The following KIAA0586 variants were observed in gnomAD, a reference collection of about 807,000 sequenced individuals.
The protein encoded by KIAA0586 is protein TALPID3.
Under a neutral mutation model 169.8 loss-of-function variants are expected in KIAA0586, and 144 were observed. The ratio of observed to expected loss-of-function variants is 0.85; its 90% CI spans 0.74 to 0.97. The LOEUF (loss-of-function observed/expected upper bound fraction) is 0.97, where lower values mean the gene tolerates loss of function less well. Ranked by LOEUF, KIAA0586 falls within the 50% of genes least tolerant of loss-of-function variation. The probability of loss-of-function intolerance (pLI) is 0.00; values close to 1 mark genes in which losing one functional copy is unlikely to be tolerated. For synonymous variants in KIAA0586, 625 were observed against 612.4 expected (o/e 1.02, Z -0.30); for missense variants, 1,854 against 1,823.0 (o/e 1.02, Z -0.31).
chr14:58,532,206 A>T (rs949369584), intron 29 of KIAA0586, among the ~76,000 whole-genome samples: 1 of 152,184 alleles, frequency 6.6e-6, no homozygotes, highest in Non-Finnish European at 1.5e-5. Context: ...GGAAAAAAAA[A>T]GTATGCCTGA....
intron 8 of KIAA0586, among the ~76,000 whole-genome samples, chr14:58,451,424 A>G (rs1199557178): frequency 1.3e-5 from 2 of 151,570 alleles, no homozygotes; most frequent in East Asian, 3.9e-4. Flanking sequence ...ATGGGGTTTC[A>G]CTATGTTTCC....
At chr14:58,506,327 C>T (rs1439696434) in intron 27 of KIAA0586, among the ~76,000 whole-genome samples, 1 of 152,038 alleles carries the variant, frequency 6.6e-6, no homozygotes, top group Non-Finnish European at 1.5e-5. Flanking sequence ...AAATGAGAAT[C>T]AGGTAATAAT....
chr14:58,427,874 A>G lies in KIAA0586; in HGVS notation c.-391A>G. ...GCTTCTTATGTGGGTCATTATTTTA[A>G]AAATAGCATTTCGCTTTTATTTGCT... On this transcript the variant is annotated 5_prime_UTR_variant, in exon 1 of 31. Coordinates refer to ENST00000652326, the MANE Select transcript of KIAA0586 (RefSeq NM_001329943.3). 4 of 1,376,804 alleles carry G rather than the reference A, an allele frequency of 2.9e-6. No homozygotes were observed. The highest frequency in any genetic ancestry group is 3.8e-6 in the Non-Finnish European group (4 of 1,050,430). 85.3% of individuals were successfully genotyped at this position (1,376,804 alleles called of 1,614,324 possible). A position where few individuals can be genotyped will look rare whatever the true frequency, so the allele number is the denominator to read the frequency against.
At chr14:58,431,594 T>C (rs2037380692) in intron 3 of KIAA0586, among the ~76,000 whole-genome samples, 1 of 152,238 alleles carries the variant, frequency 6.6e-6, no homozygotes, top group South Asian at 2.1e-4. Context: ...TAGTTTTTTC[T>C]AATTCTGTGA....
chr14:58,458,845 T>A (rs2040086692), intron 12 of KIAA0586, among the ~76,000 whole-genome samples: 1 of 152,166 alleles, frequency 6.6e-6, no homozygotes, highest in Non-Finnish European at 1.5e-5. Context: ...TGCAAAGATA[T>A]TTGAAGACAG....
At chr14:58,536,855 A>G (rs893995923) in intron 29 of KIAA0586, among the ~76,000 whole-genome samples, 42 of 152,278 alleles carry the variant, frequency 2.8e-4, no homozygotes, top group African/African-American at 9.6e-4. Context: ...AATATAAATT[A>G]TATTTATAGT....
chr14:58,522,132 TC>T (rs1047885591), intron 29 of KIAA0586: 22 of 573,256 alleles, frequency 3.8e-5, no homozygotes, highest in African/African-American at 3.5e-4. Flanking sequence ...CTTCCCATGT[TC>T]ATTAATTCAT....
chr14:58,507,769 C>CATTT (rs34225443), intron 27 of KIAA0586, among the ~76,000 whole-genome samples: 236 of 149,648 alleles, frequency 1.6e-3, no homozygotes, highest in African/African-American at 5.4e-3. Flanking sequence ...ACTGAGGTGC[C>CATTT]ATTTATTTAT....
At chr14:58,448,034 T>A (rs530530834) in intron 6 of KIAA0586, among the ~76,000 whole-genome samples, 1 of 152,274 alleles carries the variant, frequency 6.6e-6, no homozygotes, top group East Asian at 1.9e-4. Flanking sequence ...GGTCTTCTCT[T>A]AGCCGGCTGC....
At chr14:58,521,899 G>C (rs576275046) in intron 29 of KIAA0586, 3 of 1,331,982 alleles carry the variant, frequency 2.3e-6, no homozygotes, top group African/African-American at 1.4e-5. Flanking sequence ...GAAGATGGGG[G>C]ATGACCAGCT....
intron 29 of KIAA0586, among the ~76,000 whole-genome samples, chr14:58,538,089 G>A (rs554454246): frequency 1.6e-4 from 25 of 152,270 alleles, no homozygotes; most frequent in African/African-American, 6.0e-4. Context: ...CCAGAAGGTC[G>A]AGGCTGCAGT....
Position 58,429,429 on chromosome 14 carries a change from A to G in KIAA0586, c.266A>G (p.Glu89Gly). 1 of 1,568,208 alleles carries G rather than the reference A, an allele frequency of 6.4e-7. No individual in the cohort carries two copies. Among genetic ancestry groups the G allele is most frequent in the Non-Finnish European group, 8.8e-7 (1 of 1,138,548 alleles). ...QPLLENPMVS[E>G]SDFSKDVAVQ... ...CTATTAGAAAATCCCATGGTGTCAG[A>G]AAGTGTAAGCAAAAGGATTCTTAAT... The change falls in exon 2 of 31, where the codon GAA (glutamate) becomes GGA (glycine). Residue 89 changes from glutamate to glycine, a missense_variant. Transcript: ENST00000652326.
chr14:58,497,029 C>A (rs1002144129), intron 26 of KIAA0586, among the ~76,000 whole-genome samples: 7 of 149,144 alleles, frequency 4.7e-5, no homozygotes, highest in Non-Finnish European at 8.9e-5. Context: ...GGCAGGAATG[C>A]AGTGGCGGGA....
intron 29 of KIAA0586, among the ~76,000 whole-genome samples, chr14:58,526,428 T>C (rs545354001): frequency 2.6e-5 from 4 of 152,038 alleles, no homozygotes; most frequent in African/African-American, 9.7e-5. Flanking sequence ...GGGTCTAGAG[T>C]GGACCTCTAG....
chr14:58,512,347 T>C (rs539793095), intron 28 of KIAA0586, among the ~76,000 whole-genome samples, 175 bp from the exon 29 acceptor site: 2 of 152,080 alleles, frequency 1.3e-5, no homozygotes, highest in Admixed American at 1.3e-4. Flanking sequence ...TCTTTTGTAA[T>C]AGGTACCTCA....
At chr14:58,504,503 T>C (rs2043798399) in intron 27 of KIAA0586, among the ~76,000 whole-genome samples, 2 of 152,178 alleles carry the variant, frequency 1.3e-5, no homozygotes, top group Non-Finnish European at 2.9e-5. Context: ...AAAAATCCAT[T>C]AGATATGCCG....
the KIAA0586 span, among the ~76,000 whole-genome samples, chr14:58,557,901 C>CTTTTTTTTTTTTTTTTTTTTTTTTTTTTT: frequency 5.9e-4 from 25 of 42,508 alleles, 6 homozygotes; most frequent in Admixed American, 8.1e-4. Flanking sequence ...CCTGAGAAAT[C>CTTTTTTTTTTTTTTTTTTTTTTTTTTTTT]TTTTTTTTTT....
chr14:58,465,754 A>C, intron 14 of KIAA0586, 81 bp from the exon 15 acceptor site: 1 of 837,710 alleles, frequency 1.2e-6, no homozygotes, highest in Non-Finnish European at 1.8e-6. Context: ...TTTTCTGTGA[A>C]GAGCTGTTGT....
At chr14:58,555,524 C>A (rs17094691), downstream of KIAA0586, among the ~76,000 whole-genome samples, 33,427 of 152,028 alleles carry the variant, frequency 0.22, 3,857 homozygotes, top group East Asian at 0.36. Context: ...TCTGAAAGGG[C>A]TTTGAGGAGT....
Sources: allele counts gnomAD v4.1 joint callset (sites outside exome capture counted in the v4.1 genomes callset), GRCh38; gene constraint gnomAD v4.1.1; transcripts MANE v1.5; gene names NCBI Gene and HGNC (gene_info 2026-07-23, HGNC 2026-07-21).